IFNGR2: variants seen among roughly 807,000 people sequenced by gnomAD.
IFNGR2 encodes the protein IFN-gamma receptor 2.
Under a neutral mutation model 41.1 loss-of-function variants are expected in IFNGR2, and 15 were observed. The observed-to-expected ratio is 0.37, with a 90% CI of 0.24 to 0.56. IFNGR2 has a LOEUF of 0.56. Among genes scored for constraint, IFNGR2 ranks in the 20% least tolerant of loss-of-function variants. The pLI, the probability that IFNGR2 is intolerant of heterozygous loss-of-function variation, is 0.81. For missense variants in IFNGR2, 362 were observed against 415.7 expected, an observed-to-expected ratio of 0.87 and a Z score of 1.12; for synonymous variants, 161 against 171.6, an observed-to-expected ratio of 0.94 and a Z score of 0.48.
chr21:33,423,710 A>T (rs2083813799), intron 3 of IFNGR2, among the ~76,000 whole-genome samples: 1 of 152,040 alleles, frequency 6.6e-6, no homozygotes, highest in Non-Finnish European at 1.5e-5. Flanking sequence ...GGCCAATAAA[A>T]AGTTTTTTAG....
intron 1 of IFNGR2, among the ~76,000 whole-genome samples, chr21:33,406,919 G>A (rs988053806): frequency 1.2e-4 from 19 of 152,024 alleles, no homozygotes; most frequent in African/African-American, 4.6e-4. Context: ...AAAGTGCTAG[G>A]ATTATAGATG....
chr21:33,432,927 C>T, intron 6 of IFNGR2, 56 bp downstream of exon 6: 1 of 1,436,532 alleles, frequency 7.0e-7, no homozygotes, highest in Non-Finnish European at 9.6e-7. Flanking sequence ...GCTCTGTTGC[C>T]CAGGCGGGAG....
intron 1 of IFNGR2, 150 bp downstream of exon 1, chr21:33,403,766 C>T: frequency 2.1e-6 from 1 of 470,614 alleles, no homozygotes; most frequent in Non-Finnish European, 3.3e-6. Flanking sequence ...GTGGGATATG[C>T]GGAGTGCTCA....
intron 6 of IFNGR2, among the ~76,000 whole-genome samples, chr21:33,436,370 A>T (rs1379129135): frequency 6.6e-6 from 1 of 152,054 alleles, no homozygotes; most frequent in Non-Finnish European, 1.5e-5. Context: ...AAAGAAAAAT[A>T]AGTTATGTCA....
At chr21:33,422,017 C>A (rs1375254337) in intron 3 of IFNGR2, among the ~76,000 whole-genome samples, 1 of 152,236 alleles carries the variant, frequency 6.6e-6, no homozygotes, top group Non-Finnish European at 1.5e-5. Context: ...GCAATAGCAG[C>A]TGTTGAGCCT....
chr21:33,419,445 CT>C (rs1370021104), intron 2 of IFNGR2, among the ~76,000 whole-genome samples: 1 of 147,234 alleles, frequency 6.8e-6, no homozygotes, highest in African/African-American at 2.5e-5. Context: ...TAAATTCGTT[CT>C]CTTGTTTGAA....
Position 33,411,368 on chromosome 21 carries a change from T to C in IFNGR2, c.74-3520T>C, listed in dbSNP as rs1375023268. On this transcript the variant is annotated intron_variant, in intron 1 of 6. Transcript: ENST00000290219. ...CTTGGTGCTTCCTTTCTGAACTGAATGCTTAGACTGGGGAACTAGAGGTGC... is the reference window on the plus strand; with the variant it reads ...CTTGGTGCTTCCTTTCTGAACTGAACGCTTAGACTGGGGAACTAGAGGTGC... 51 of 458,066 alleles carry C rather than the reference T, an allele frequency of 1.1e-4. No individual in the cohort carries two copies. In the Admixed American group the frequency reaches 1.2e-3, roughly 11 times the overall value. The allele number at this position is 458,066 out of a possible 1,614,324, so 28.4% of individuals were successfully genotyped here. A position where few individuals can be genotyped will look rare whatever the true frequency, so the allele number is the denominator to read the frequency against.
At chr21:33,430,110 G>T (rs1221169163) in intron 4 of IFNGR2, among the ~76,000 whole-genome samples, 1 of 152,186 alleles carries the variant, frequency 6.6e-6, no homozygotes, top group Non-Finnish European at 1.5e-5. Flanking sequence ...CTGCACTCCA[G>T]CCTGGGCAAC....
At chr21:33,432,069 T>C in intron 4 of IFNGR2, 108 bp from the exon 5 acceptor site, 2 of 1,038,930 alleles carry the variant, frequency 1.9e-6, no homozygotes, top group Non-Finnish European at 3.0e-6. Context: ...TGGCATCTTG[T>C]TCTTCTTTGG....
At chr21:33,410,013 G>A (rs1256106487) in intron 1 of IFNGR2, among the ~76,000 whole-genome samples, 1 of 151,826 alleles carries the variant, frequency 6.6e-6, no homozygotes, top group African/African-American at 2.4e-5. Flanking sequence ...TTGGTAGCAG[G>A]GTCCATTTTA....
Position 33,427,043 on chromosome 21 carries a change from C to G in IFNGR2, c.561+11C>G, listed in dbSNP as rs11910627. Reference sequence around the variant, plus strand: ...GGAGGAATCCAACAGGCAAGAGCATCTTTCTTTTTTGTTTGGATTTTCTTT... The same window carrying G: ...GGAGGAATCCAACAGGCAAGAGCATGTTTCTTTTTTGTTTGGATTTTCTTT... On this transcript the variant is annotated intron_variant, in intron 4 of 6. Transcript: ENST00000290219. The G allele has an allele frequency of 0.73, 1,169,700 of 1,605,584 alleles. 430,378 individuals are homozygous for G. Among genetic ancestry groups the G allele is most frequent in the East Asian group, 0.98 (43,901 of 44,848 alleles).
At chr21:33,414,045 C>T (rs1166699479) in intron 1 of IFNGR2, among the ~76,000 whole-genome samples, 1 of 152,086 alleles carries the variant, frequency 6.6e-6, no homozygotes, top group Non-Finnish European at 1.5e-5. Context: ...GTTGGCCACA[C>T]TGGTCTCAAA....
intron 2 of IFNGR2, 148 bp from the exon 3 acceptor site, chr21:33,421,331 CA>C (rs569309072): frequency 0.074 from 32,049 of 435,068 alleles, no homozygotes; most frequent in Non-Finnish European, 0.08. Flanking sequence ...AACTCCATCT[CA>C]AAAAAAAAAA....
chr21:33,404,994 C>T (rs942691489), intron 1 of IFNGR2, among the ~76,000 whole-genome samples: 5 of 151,974 alleles, frequency 3.3e-5, no homozygotes, highest in African/African-American at 1.2e-4. Context: ...TAGCGCCCGC[C>T]TGTAATCCCA....
At chr21:33,429,277 G>A (rs2083865464) in intron 4 of IFNGR2, among the ~76,000 whole-genome samples, 1 of 152,022 alleles carries the variant, frequency 6.6e-6, no homozygotes, top group Admixed American at 6.6e-5. Context: ...GAGTCTGTGT[G>A]TTAGGGTCCC....
chr21:33,423,388 T>G (rs936186045), intron 3 of IFNGR2, among the ~76,000 whole-genome samples: 2 of 150,424 alleles, frequency 1.3e-5, no homozygotes, highest in East Asian at 2.0e-4. Context: ...AATAAAAAGT[T>G]TTTTTTTGTT....
In IFNGR2 at chr21:33,411,418, A is replaced by G. The variant is rs1424140929; in HGVS notation, c.74-3470A>G. On this transcript the variant is annotated intron_variant, in intron 1 of 6. Coordinates refer to ENST00000290219, the MANE Select transcript of IFNGR2 (RefSeq NM_005534.4). Reference sequence around the variant, plus strand: ...CCCGGAAAGGGAAGTCGGGAAGAAGAGACTATTCCTGTTGGTTCCTCCCCA... The same window carrying G: ...CCCGGAAAGGGAAGTCGGGAAGAAGGGACTATTCCTGTTGGTTCCTCCCCA... The G allele has an allele frequency of 6.4e-6, 3 of 470,700 alleles. No homozygotes were observed. In the Admixed American group the frequency reaches 7.1e-5, roughly 11 times the overall value. 29.2% of individuals were successfully genotyped at this position (470,700 alleles called of 1,614,324 possible).
At chr21:33,424,960 A>G (rs764597704) in intron 3 of IFNGR2, among the ~76,000 whole-genome samples, 2 of 152,058 alleles carry the variant, frequency 1.3e-5, no homozygotes, top group Non-Finnish European at 2.9e-5. Context: ...CCCGGGCTGG[A>G]GTGCAGTGGC....
At chr21:33,432,092 C>T (rs983639033) in intron 4 of IFNGR2, 85 bp from the exon 5 acceptor site, 84 of 1,233,018 alleles carry the variant, frequency 6.8e-5, no homozygotes, top group African/African-American at 1.5e-4. Context: ...GTCGTGTTCA[C>T]AGTGAATTTG....
Sources: gnomAD v4.1 joint callset for allele counts (sites outside exome capture counted in the v4.1 genomes callset) on GRCh38, gnomAD v4.1.1 for gene constraint, MANE v1.5 for transcripts, NCBI Gene and HGNC (gene_info 2026-07-23, HGNC 2026-07-21) for gene names.